The following MYH8 variants were observed in gnomAD, a reference collection of about 807,000 sequenced individuals.
MYH8 encodes myosin-8.
MYH8 carries 168 observed loss-of-function variants against 233.2 expected under a neutral mutation model. The ratio of observed to expected loss-of-function variants is 0.72; its 90% CI spans 0.64 to 0.82. The LOEUF is 0.82. Ranked by LOEUF, MYH8 falls within the 40% of genes least tolerant of loss-of-function variation. MYH8 has a pLI of 0.00. For missense variants in MYH8, 1,995 were observed against 2,327.8 expected, an observed-to-expected ratio of 0.86 and a Z score of 2.94; for synonymous variants, 785 against 850.6, an observed-to-expected ratio of 0.92 and a Z score of 1.34.
rs1465743262 is a variant in MYH8, at chr17:10,406,796, G to T, written c.2065C>A (p.His689Asn). ...CTCAGCTGGTGCAACACAAGTTCAT[G>T]TTCCATTGCCCCTAAAAATATAGAA... ...NETKTPGAME[H>N]ELVLHQLRCN... Residue 689 changes from histidine (H) to asparagine (N), a missense_variant, in exon 19 of 40, where the codon CAT becomes AAT. Around this residue, in one of 3 missense-constraint regions of MYH8, gnomAD observed 1,498 missense variants for 1,680.9 expected, o/e 0.89. Coordinates refer to ENST00000403437, the MANE Select transcript of MYH8 (RefSeq NM_002472.3). The T allele has an allele frequency of 1.2e-6, 2 of 1,614,100 alleles. No individual in the cohort carries two copies. Among genetic ancestry groups the T allele is most frequent in the Admixed American group, 1.7e-5 (1 of 60,018 alleles).
Position 10,400,501 on chromosome 17 carries a change from C to T in MYH8, c.3624G>A (p.Glu1208=). ...KHADSMAELG[E]QIDNLQRVKQ... ...TGACCCGCTGCAAGTTGTCAATCTG[C>T]TCCCCAAGCTCAGCCATACTGTCTG... is the stretch of plus-strand genomic sequence containing the variant. The change falls in exon 27 of 40, where the codon GAG becomes GAA. Residue 1208 remains glutamate, a synonymous_variant. Transcript: ENST00000403437. This position sits in a 1 kb window ranked among gnomAD's most constrained non-coding sequence, Gnocchi z 4.0. 6.2e-7 allele frequency: 1 copy of T among 1,614,220 alleles called. No homozygotes were observed. Among genetic ancestry groups the T allele is most frequent in the Non-Finnish European group, 8.5e-7 (1 of 1,180,040 alleles).
chr17:10,396,429 C>A lies in MYH8; in HGVS notation c.4554G>T (p.Gln1518His), dbSNP rs1431098476. 1.2e-6 allele frequency: 2 copies of A among 1,614,126 alleles called. No individual in the cohort carries two copies. Among genetic ancestry groups the A allele is most frequent in the Non-Finnish European group, 1.7e-6 (2 of 1,180,032 alleles). ...LQQEISDLTEQIAEGGKQIHE... is the reference protein window; with the variant it reads ...LQQEISDLTEHIAEGGKQIHE... ...GAATTTGCTTTCCTCCCTCTGCAAT[C>A]TGCTCAGTGAGGTCAGAAATCTCCT... The change falls in exon 33 of 40, where the codon CAG (glutamine) becomes CAT (histidine). Residue 1518 changes from glutamine (Q) to histidine (H), a missense_variant. Physicochemically the swap from Gln to His is conservative, Grantham distance 24 (BLOSUM62 0). This residue lies in a region of MYH8 where 1,498 missense variants were observed against 1,680.9 expected (regional missense o/e 0.89). Coordinates refer to ENST00000403437, the MANE Select transcript of MYH8 (RefSeq NM_002472.3). The surrounding 1 kb of genome is among the most constrained non-coding windows in gnomAD (Gnocchi z 4.2).
Position 10,409,285 on chromosome 17 carries a change from C to T in MYH8, c.1891G>A (p.Glu631Lys). 4 of 1,614,208 alleles carry T rather than the reference C, an allele frequency of 2.5e-6. No individual in the cohort carries two copies. Among genetic ancestry groups the T allele is most frequent in the Non-Finnish European group, 3.4e-6 (4 of 1,180,028 alleles). Residue 631 changes from glutamate (E) to lysine (K), a missense_variant, in exon 16 of 40, where the codon GAA becomes AAA. By Grantham distance (56) the Glu-to-Lys change is moderately conservative. Coordinates refer to ENST00000403437, the MANE Select transcript of MYH8 (RefSeq NM_002472.3). ...TTAAGGACACAGAAAGTACCTGCTT[C>T]AGCACTAGCATACGTGGAAAAGAGA... is the stretch of plus-strand genomic sequence containing the variant. ...ASLFSTYASA[E>K]ADSSAKKGAK...
chr17:10,392,456 G>A lies in MYH8; in HGVS notation c.5568+86C>T, dbSNP rs913483721. 3.7e-5 allele frequency: 44 copies of A among 1,181,212 alleles called. 1 individual carries two copies. The highest frequency in any genetic ancestry group is 1.9e-4 in the Middle Eastern group (1 of 5,302). 73.2% of individuals were successfully genotyped at this position (1,181,212 alleles called of 1,614,324 possible). On this transcript the variant is annotated intron_variant, in intron 38 of 39. Coordinates refer to ENST00000403437, the MANE Select transcript of MYH8 (RefSeq NM_002472.3). ...ACCAAGTTAATGCGTATTTGTTTGTGAGTGGCATATAAATAAATAGTCATA... is the reference window on the plus strand; with the variant it reads ...ACCAAGTTAATGCGTATTTGTTTGTAAGTGGCATATAAATAAATAGTCATA...
intron 19 of MYH8, 58 bp from the exon 20 acceptor site, chr17:10,406,455 T>G (rs2072194630): frequency 6.2e-7 from 1 of 1,607,944 alleles, no homozygotes; most frequent in South Asian, 1.1e-5. Context: ...GCCAACAAAA[T>G]GACACCAAAA....
Position 10,415,012 on chromosome 17 carries a change from A to G in MYH8, c.805+104T>C. ...AGCTTACAGGCAGTACTGGCAGCAG[A>G]CTACCCTTTTAACAGGCTTCATGCA... On this transcript the variant is annotated intron_variant, in intron 9 of 39. Coordinates refer to ENST00000403437, the MANE Select transcript of MYH8 (RefSeq NM_002472.3). The surrounding 1 kb of genome is among the most constrained non-coding windows in gnomAD (Gnocchi z 4.1). 9.5e-7 allele frequency: 1 copy of G among 1,049,546 alleles called. No homozygotes were observed. The highest frequency in any genetic ancestry group is 2.4e-5 in the East Asian group (1 of 42,378). The allele number at this position is 1,049,546 out of a possible 1,614,324, so 65.0% of individuals were successfully genotyped here.
At position 10,415,272 on chromosome 17, in the gene MYH8, G is replaced by T; in HGVS notation, c.741+20C>A. ...GACGTGGCTACTCTGGAAGTTAGGG[G>T]TTGAGACCAAGAGACTCACAAAGCG... On this transcript the variant is annotated intron_variant, in intron 8 of 39. Transcript: ENST00000403437. The surrounding 1 kb of genome is among the most constrained non-coding windows in gnomAD (Gnocchi z 4.1). 1 of 1,610,604 alleles carries T rather than the reference G, an allele frequency of 6.2e-7. No individual in the cohort carries two copies. Among genetic ancestry groups the T allele is most frequent in the East Asian group, 2.2e-5 (1 of 44,868 alleles).
In MYH8 at chr17:10,415,035, G is replaced by A. The variant is rs577337037; in HGVS notation, c.805+81C>T. On this transcript the variant is annotated intron_variant, in intron 9 of 39. Coordinates refer to ENST00000403437, the MANE Select transcript of MYH8 (RefSeq NM_002472.3). The surrounding 1 kb of genome is among the most constrained non-coding windows in gnomAD (Gnocchi z 4.1). The stretch of plus-strand genomic sequence containing the variant: ...AGACTACCCTTTTAACAGGCTTCAT[G>A]CACAGCAAGGGTGGCAAAATATCCC... The A allele has an allele frequency of 3.5e-5, 46 of 1,324,890 alleles. No individual in the cohort carries two copies. The Middle Eastern group carries it at 2.4e-3, about 69-fold the overall frequency. 82.1% of individuals were successfully genotyped at this position (1,324,890 alleles called of 1,614,324 possible).
chr17:10,421,039 A>G (rs1428241723), intron 2 of MYH8, among the ~76,000 whole-genome samples: 1 of 152,176 alleles, frequency 6.6e-6, no homozygotes, highest in Non-Finnish European at 1.5e-5. Flanking sequence ...AGTACATCAC[A>G]TGCATGTAAG....
chr17:10,413,268 T>C (rs2072260678), intron 12 of MYH8, among the ~76,000 whole-genome samples: 1 of 152,178 alleles, frequency 6.6e-6, no homozygotes, highest in Non-Finnish European at 1.5e-5. Flanking sequence ...GGTACACCAG[T>C]AACTGCTGAA....
At position 10,415,548 on chromosome 17, in the gene MYH8, G is replaced by A; in HGVS notation, c.572C>T (p.Thr191Ile). The change falls in exon 7 of 40, where the codon ACC becomes ATC. Residue 191 changes from threonine to isoleucine, a missense_variant. By Grantham distance (89) the Thr-to-Ile change is moderately conservative. Around this residue, in one of 3 missense-constraint regions of MYH8, gnomAD observed 479 missense variants for 600.9 expected, o/e 0.80. Transcript: ENST00000403437. The surrounding 1 kb of genome is among the most constrained non-coding windows in gnomAD (Gnocchi z 4.1). ...GESGAGKTVN[T>I]KRVIQYFATI... is the part of the protein sequence containing the mutation. ...TGCAAAGTATTGGATGACACGCTTGGTGTTCACAGTCTTTCCGGCACCAGA... is the reference window on the plus strand; with the variant it reads ...TGCAAAGTATTGGATGACACGCTTGATGTTCACAGTCTTTCCGGCACCAGA... 6.2e-7 allele frequency: 1 copy of A among 1,614,156 alleles called. No individual in the cohort carries two copies. Among genetic ancestry groups the A allele is most frequent in the Non-Finnish European group, 8.5e-7 (1 of 1,180,016 alleles).
chr17:10,395,103 C>T (rs781325826), intron 34 of MYH8, 30 bp downstream of exon 34: 28 of 1,611,318 alleles, frequency 1.7e-5, no homozygotes, highest in Non-Finnish European at 2.3e-5. Context: ...TTCCCTGCTT[C>T]ATCTGGGAGG....
At chr17:10,404,005 A>G (rs796863024) in intron 22 of MYH8, among the ~76,000 whole-genome samples, 3 of 152,338 alleles carry the variant, frequency 2.0e-5, no homozygotes, top group African/African-American at 7.2e-5. Context: ...AAATAGAGCT[A>G]TACTTTTAAT....
Position 10,406,380 on chromosome 17 carries a change from G to C in MYH8, c.2189C>G (p.Ala730Gly), listed in dbSNP as rs2072193484. The change falls in exon 20 of 40, where the codon GCA becomes GGA. Residue 730 changes from alanine to glycine, a missense_variant. Transcript: ENST00000403437. The part of the protein sequence containing the change: ...DFKQRYKVLN[A>G]SAIPEGQFID... ...GAACTGTCCCTCTGGAATAGCACTT[G>C]CATTTAAAACCTTGTATCTGCTCAG... 2 of 1,613,962 alleles carry C rather than the reference G, an allele frequency of 1.2e-6. No homozygotes were observed. Among genetic ancestry groups the C allele is most frequent in the Non-Finnish European group, 1.7e-6 (2 of 1,179,910 alleles).
At chr17:10,395,069 T>A in intron 34 of MYH8, 64 bp downstream of exon 34, 1 of 1,584,806 alleles carries the variant, frequency 6.3e-7, no homozygotes, top group Non-Finnish European at 8.7e-7. Flanking sequence ...TAACAAGGTG[T>A]TTGGGAAATG....
chr17:10,416,679 A>T (rs1321691812), intron 5 of MYH8, among the ~76,000 whole-genome samples: 1 of 152,180 alleles, frequency 6.6e-6, no homozygotes, highest in Non-Finnish European at 1.5e-5. Context: ...ATTAATTTTT[A>T]AAACATTTAT....
intron 17 of MYH8, 109 bp downstream of exon 17, chr17:10,408,988 T>C (rs2072219544): frequency 3.0e-6 from 3 of 997,714 alleles, no homozygotes; most frequent in Non-Finnish European, 4.7e-6. Flanking sequence ...GAGCTGATAT[T>C]TGAAGTGATT....
In MYH8 at chr17:10,391,883, G is replaced by A. The variant is rs756750445; in HGVS notation, c.5663C>T (p.Ala1888Val). Residue 1888 changes from alanine to valine, a missense_variant and splice_region_variant, in exon 39 of 40, where the codon GCT (alanine) becomes GTT (valine). By Grantham distance (64) the Ala-to-Val change is moderately conservative. Transcript: ENST00000403437. ...VKSYKRQAEE[A>V]EEQSNANLSK... ...CCTCAAGGGCTTAAAGATACTTACA[G>A]CCTCCTCAGCTTGTCTCTTGTATGA... 8 of 1,612,498 alleles carry A rather than the reference G, an allele frequency of 5.0e-6. No homozygotes were observed. In the African/African-American group the frequency reaches 8.0e-5, roughly 16 times the overall value.
Position 10,396,199 on chromosome 17 carries a change from A to T in MYH8, c.4653+131T>A. On this transcript the variant is annotated intron_variant, in intron 33 of 39. Coordinates refer to ENST00000403437, the MANE Select transcript of MYH8 (RefSeq NM_002472.3). This position sits in a 1 kb window ranked among gnomAD's most constrained non-coding sequence, Gnocchi z 4.2. ...GATAGGTCAGAGTATTTACATTTTT[A>T]AGGATTTTGATAACTATTGCCAAGT... The T allele has an allele frequency of 9.4e-7, 1 of 1,066,836 alleles. No homozygotes were observed. The highest frequency in any genetic ancestry group is 1.4e-6 in the Non-Finnish European group (1 of 730,958). 66.1% of individuals were successfully genotyped at this position (1,066,836 alleles called of 1,614,324 possible).
Sources: allele counts gnomAD v4.1 joint callset (sites outside exome capture counted in the v4.1 genomes callset), GRCh38; gene constraint gnomAD v4.1.1; regional missense constraint gnomAD v4.1.1; non-coding constraint Gnocchi (gnomAD v3.1); transcripts MANE v1.5; gene names NCBI Gene and HGNC (gene_info 2026-07-23, HGNC 2026-07-21).